PLA2G4A: variants seen among roughly 807,000 people sequenced by gnomAD.
The protein encoded by PLA2G4A is cytosolic phospholipase A2.
A neutral mutation model predicts 81.9 loss-of-function variants in PLA2G4A; 40 were observed. That is an observed-to-expected ratio of 0.49 (90% CI 0.38 to 0.64). The LOEUF is 0.64. Ranked by LOEUF, PLA2G4A falls within the 30% of genes least tolerant of loss-of-function variation. PLA2G4A has a pLI of 0.00. For synonymous variants in PLA2G4A, 302 were observed against 296.9 expected (o/e 1.02, Z -0.18); for missense variants, 715 against 905.1 (o/e 0.79, Z 2.69).
intron 7 of PLA2G4A, among the ~76,000 whole-genome samples, chr1:186,911,821 A>G (rs1391566053): frequency 6.6e-6 from 1 of 152,100 alleles, no homozygotes; most frequent in Non-Finnish European, 1.5e-5. Context: ...CAGTCCCACG[A>G]TATGCTTTCT....
chr1:186,930,490 G>C (rs1169929472), intron 7 of PLA2G4A, among the ~76,000 whole-genome samples: 1 of 152,202 alleles, frequency 6.6e-6, no homozygotes, highest in African/African-American at 2.4e-5. Flanking sequence ...TTCAGGATTA[G>C]AGAAGCTCTT....
intron 2 of PLA2G4A, among the ~76,000 whole-genome samples, chr1:186,862,265 A>G (rs1305782475): frequency 3.3e-5 from 4 of 121,714 alleles, no homozygotes; most frequent in Admixed American, 3.3e-4. Context: ...CCCAGGCTGG[A>G]GTGCAGTGGT....
At chr1:186,885,088 G>A (rs1653885914) in intron 3 of PLA2G4A, among the ~76,000 whole-genome samples, 1 of 152,036 alleles carries the variant, frequency 6.6e-6, no homozygotes, top group African/African-American at 2.4e-5. Flanking sequence ...TGGATTTTAG[G>A]ACAAAATAAG....
intron 1 of PLA2G4A, among the ~76,000 whole-genome samples, chr1:186,836,627 T>A (rs1651787752): frequency 6.6e-6 from 1 of 152,190 alleles, no homozygotes. Context: ...TTTTGCCTCC[T>A]ATGTCAAGAA....
chr1:186,913,728 C>T (rs1449695333), intron 7 of PLA2G4A, among the ~76,000 whole-genome samples: 1 of 152,096 alleles, frequency 6.6e-6, no homozygotes, highest in African/African-American at 2.4e-5. Context: ...TTAAGTTTTT[C>T]ATAAAATAAT....
intron 17 of PLA2G4A, among the ~76,000 whole-genome samples, chr1:186,986,803 C>T (rs1434413899): frequency 6.6e-6 from 1 of 152,160 alleles, no homozygotes; most frequent in Non-Finnish European, 1.5e-5. Context: ...ACTAATTGCC[C>T]TCCATCTCAC....
intron 1 of PLA2G4A, among the ~76,000 whole-genome samples, chr1:186,850,052 G>T (rs1171661154): frequency 1.3e-5 from 2 of 152,210 alleles, no homozygotes; most frequent in African/African-American, 2.4e-5. Context: ...ATTCAATTTT[G>T]CAATCTTTTG....
chr1:186,960,263 A>C (rs191962955), intron 14 of PLA2G4A, among the ~76,000 whole-genome samples: 76 of 152,300 alleles, frequency 5.0e-4, no homozygotes, highest in Middle Eastern at 6.8e-3. Context: ...AGAAATAAAG[A>C]CATGAGTTAA....
intron 6 of PLA2G4A, 108 bp from the exon 7 acceptor site, chr1:186,911,140 C>A: frequency 2.3e-6 from 2 of 851,076 alleles, no homozygotes; most frequent in Non-Finnish European, 4.1e-6. Flanking sequence ...TTGAGGGAAG[C>A]AGTCAGCATA....
Position 186,939,978 on chromosome 1 carries a change from A to T in PLA2G4A, c.919-2A>T. 1 of 1,356,238 alleles carries T rather than the reference A, an allele frequency of 7.4e-7. No individual in the cohort carries two copies. Among genetic ancestry groups the T allele is most frequent in the Non-Finnish European group, 1.1e-6 (1 of 944,534 alleles). The allele number at this position is 1,356,238 out of a possible 1,614,324, so 84.0% of individuals were successfully genotyped here. On this transcript the variant is annotated splice_acceptor_variant, in intron 9 of 17. Coordinates refer to ENST00000367466, the MANE Select transcript of PLA2G4A (RefSeq NM_024420.3). LOFTEE classifies it high-confidence loss of function. ...TCATCTTTTTCTTTCTTCTGTGGACAGAGAATGAATACTACTCTGAGCAGT... is the reference window on the plus strand; with the variant it reads ...TCATCTTTTTCTTTCTTCTGTGGACTGAGAATGAATACTACTCTGAGCAGT...
At chr1:186,852,877 T>C (rs1417796105) in intron 1 of PLA2G4A, among the ~76,000 whole-genome samples, 1 of 152,002 alleles carries the variant, frequency 6.6e-6, no homozygotes. Context: ...ACAAAGATTA[T>C]AGTAATTTAT....
intron 14 of PLA2G4A, among the ~76,000 whole-genome samples, chr1:186,962,486 T>TTTTA (rs10657628): frequency 0.08 from 10,936 of 136,524 alleles, 420 homozygotes; most frequent in South Asian, 0.11. Context: ...AGTTATTTTA[T>TTTTA]TTTATTTATT....
In PLA2G4A at chr1:186,894,174, T is replaced by A. The variant is rs202029674; in HGVS notation, c.341T>A (p.Val114Glu). 3 of 1,476,674 alleles carry A rather than the reference T, an allele frequency of 2.0e-6. No homozygotes were observed. The highest frequency in any genetic ancestry group is 4.5e-5 in the East Asian group (2 of 44,090). The allele number at this position is 1,476,674 out of a possible 1,614,324, so 91.5% of individuals were successfully genotyped here. A position where few individuals can be genotyped will look rare whatever the true frequency, so the allele number is the denominator to read the frequency against. Residue 114 changes from valine (V) to glutamate (E), a missense_variant, in exon 5 of 18, where the codon GTG becomes GAG. Coordinates refer to ENST00000367466, the MANE Select transcript of PLA2G4A (RefSeq NM_024420.3). The stretch of plus-strand genomic sequence containing the variant: ...ACATTTACTGTATCTTCTATGAAGG[T>A]GGGAGAAAAGAAAGAAGTTCCTTTT... ...TATFTVSSMK[V>E]GEKKEVPFIF...
At chr1:186,867,831 T>C (rs928498634) in intron 2 of PLA2G4A, among the ~76,000 whole-genome samples, 2 of 152,066 alleles carry the variant, frequency 1.3e-5, no homozygotes, top group Non-Finnish European at 2.9e-5. Flanking sequence ...TAATTATAGG[T>C]TTTTTGTAGA....
intron 7 of PLA2G4A, among the ~76,000 whole-genome samples, chr1:186,924,124 C>A (rs1457461282): frequency 1.3e-5 from 2 of 152,190 alleles, no homozygotes; most frequent in African/African-American, 4.8e-5. Flanking sequence ...TTTCCCAGAT[C>A]ACTCTCAACC....
intron 7 of PLA2G4A, among the ~76,000 whole-genome samples, chr1:186,915,621 C>T (rs530905901): frequency 1.2e-4 from 19 of 152,270 alleles, no homozygotes; most frequent in African/African-American, 4.3e-4. Context: ...ACACAACTAC[C>T]TGCCCACTGG....
chr1:186,937,719 G>A (rs1380298314), intron 8 of PLA2G4A, among the ~76,000 whole-genome samples: 4 of 104,414 alleles, frequency 3.8e-5, no homozygotes, highest in African/African-American at 1.6e-4. Flanking sequence ...CTGAAGTCTT[G>A]TATAATAGAC....
At chr1:186,909,660 C>G (rs77304072) in intron 6 of PLA2G4A, among the ~76,000 whole-genome samples, 1 of 113,030 alleles carries the variant, frequency 8.8e-6, no homozygotes, top group Non-Finnish European at 1.8e-5. Flanking sequence ...AACTCCGTCT[C>G]AAAAAAAAAA....
chr1:186,842,193 C>G (rs960027661), intron 1 of PLA2G4A, among the ~76,000 whole-genome samples: 1 of 152,016 alleles, frequency 6.6e-6, no homozygotes, highest in Non-Finnish European at 1.5e-5. Flanking sequence ...CAGACACCCA[C>G]CACCACACCT....
Sources: allele counts gnomAD v4.1 joint callset (sites outside exome capture counted in the v4.1 genomes callset), GRCh38; gene constraint gnomAD v4.1.1; transcripts MANE v1.5; gene names NCBI Gene and HGNC (gene_info 2026-07-23, HGNC 2026-07-21).